Variants in FNDC3B observed in about 807,000 individuals in gnomAD.
FNDC3B encodes fibronectin type III domain containing 3B, also known as fibronectin type III domain-containing protein 3B.
A neutral mutation model predicts 151.5 loss-of-function variants in FNDC3B; 12 were observed. That is an observed-to-expected ratio of 0.08 (90% confidence interval 0.05 to 0.13). The LOEUF (loss-of-function observed/expected upper bound fraction) is 0.13. FNDC3B is among the 10% of genes least tolerant of loss of function. The pLI, the probability that FNDC3B is intolerant of heterozygous loss-of-function variation, is 1.00. For missense variants in FNDC3B, 1,214 were observed against 1,505.3 expected (o/e 0.81, Z 3.20); for synonymous variants, 528 against 549.0 (o/e 0.96, Z 0.54).
chr3:172,312,307 G>C (rs921427799), intron 11 of FNDC3B, among the ~76,000 whole-genome samples: 34 of 152,190 alleles, frequency 2.2e-4, no homozygotes, highest in Admixed American at 3.3e-4. Context: ...TGTACATGCA[G>C]GTTGGTAAAA....
At chr3:172,200,036 C>CTT (rs1480677197) in intron 3 of FNDC3B, among the ~76,000 whole-genome samples, 3 of 77,384 alleles carry the variant, frequency 3.9e-5, no homozygotes, top group Admixed American at 1.2e-4. Context: ...CATTCATTCT[C>CTT]TAACCCATTA....
At chr3:172,246,238 G>A (rs534538083) in intron 4 of FNDC3B, among the ~76,000 whole-genome samples, 3 of 151,018 alleles carry the variant, frequency 2.0e-5, no homozygotes, top group East Asian at 3.9e-4. Flanking sequence ...GTGCCCGATC[G>A]TGCATTTGAT....
At chr3:172,070,271 T>A (rs1451099046) in intron 1 of FNDC3B, among the ~76,000 whole-genome samples, 1 of 151,264 alleles carries the variant, frequency 6.6e-6, no homozygotes. Context: ...GTTCTGGTGC[T>A]AAACTGAGAT....
chr3:172,396,350 A>G (rs1043472651), intron 25 of FNDC3B, among the ~76,000 whole-genome samples: 1 of 152,154 alleles, frequency 6.6e-6, no homozygotes, highest in African/African-American at 2.4e-5. Context: ...GAGGTGGGAT[A>G]TCTTGAGGGG....
chr3:172,173,478 A>G (rs1271150054), intron 3 of FNDC3B, among the ~76,000 whole-genome samples: 1 of 151,970 alleles, frequency 6.6e-6, no homozygotes, highest in East Asian at 1.9e-4. Flanking sequence ...GAGTTACTGT[A>G]TGACTCACGT....
chr3:172,105,307 C>T (rs943251017), intron 1 of FNDC3B, among the ~76,000 whole-genome samples: 8 of 151,926 alleles, frequency 5.3e-5, no homozygotes, highest in African/African-American at 9.7e-5. Flanking sequence ...TAACTGCAGT[C>T]AAGGCACAAA....
intron 3 of FNDC3B, among the ~76,000 whole-genome samples, chr3:172,212,727 TTAAG>T (rs1725793555): frequency 6.6e-6 from 1 of 152,212 alleles, no homozygotes; most frequent in African/African-American, 2.4e-5. Context: ...TCATGAACAA[TTAAG>T]TAACTTGCCC....
intron 3 of FNDC3B, among the ~76,000 whole-genome samples, chr3:172,136,009 T>G (rs1244330181): frequency 6.6e-6 from 1 of 152,226 alleles, no homozygotes; most frequent in Admixed American, 6.5e-5. Flanking sequence ...CTATGCATTC[T>G]TTCCTTTAGT....
intron 3 of FNDC3B, among the ~76,000 whole-genome samples, chr3:172,183,367 A>AT (rs1184197413): frequency 1.3e-5 from 2 of 152,134 alleles, no homozygotes; most frequent in East Asian, 3.8e-4. Flanking sequence ...AAAAACTCTG[A>AT]TTTTATACCT....
At chr3:172,086,374 C>T (rs559342853) in intron 1 of FNDC3B, among the ~76,000 whole-genome samples, 51 of 133,316 alleles carry the variant, frequency 3.8e-4, no homozygotes, top group African/African-American at 1.2e-3. Context: ...AAAAAAAAAG[C>T]TCTGCTTCCC....
In FNDC3B at chr3:172,109,457, G is replaced by T. The variant is rs533562445; in HGVS notation, c.-28-2995G>T. Among the ~76,000 whole-genome samples, 79 of 151,840 alleles carry T rather than the reference G, an allele frequency of 5.2e-4. No individual in the cohort carries two copies. The East Asian group carries it at 0.015, about 29-fold the overall frequency. ...CTGGGATTACAGGCGTGAGCCCCGC[G>T]CCCGGCCGAAGGCCTTGGATTCTAG... On this transcript the variant is annotated intron_variant, in intron 1 of 25. Coordinates refer to ENST00000415807, the MANE Select transcript of FNDC3B (RefSeq NM_022763.4).
intron 3 of FNDC3B, among the ~76,000 whole-genome samples, chr3:172,150,514 A>C (rs1722165949): frequency 6.6e-6 from 1 of 151,752 alleles, no homozygotes; most frequent in Non-Finnish European, 1.5e-5. Context: ...TCTATGGGGC[A>C]TTACACATAG....
At chr3:172,332,649 T>G (rs1732738166) in intron 13 of FNDC3B, among the ~76,000 whole-genome samples, 1 of 152,202 alleles carries the variant, frequency 6.6e-6, no homozygotes, top group South Asian at 2.1e-4. Context: ...TTTGCCCTCC[T>G]AAAGGATTGT....
chr3:172,137,781 T>TC (rs1295254349), intron 3 of FNDC3B, among the ~76,000 whole-genome samples: 1 of 152,206 alleles, frequency 6.6e-6, no homozygotes, highest in Non-Finnish European at 1.5e-5. Flanking sequence ...GAAACATGAA[T>TC]CATAGGTCTT....
In FNDC3B at chr3:172,352,667, A is replaced by C; in HGVS notation, c.2515-136A>C. On this transcript the variant is annotated intron_variant, in intron 21 of 25. Transcript: ENST00000415807. This position sits in a 1 kb window ranked among gnomAD's most constrained non-coding sequence, Gnocchi z 4.2. ...GGAAGGTGGTCATCAGATAGTAGAC[A>C]TTTTCTAGGATTTATTTCTACCTGC... The C allele has an allele frequency of 1.1e-6, 1 of 940,580 alleles. No homozygotes were observed. The highest frequency in any genetic ancestry group is 1.5e-6 in the Non-Finnish European group (1 of 647,026). 58.3% of individuals were successfully genotyped at this position (940,580 alleles called of 1,614,324 possible).
rs182495715 is a variant in FNDC3B, at chr3:172,385,916, G to A, written c.3303+4823G>A. On this transcript the variant is annotated intron_variant, in intron 25 of 25. Transcript: ENST00000415807. Reference sequence around the variant, plus strand: ...GACAAGTGCCATGGCCTTTTCTGATGTTTTGTTTGAAGCATCAACTCTAAC... The same window carrying A: ...GACAAGTGCCATGGCCTTTTCTGATATTTTGTTTGAAGCATCAACTCTAAC... Among the ~76,000 whole-genome samples the A allele has an allele frequency of 2.0e-5, 3 of 152,226 alleles. No individual in the cohort carries two copies. The East Asian group carries it at 5.8e-4, about 29-fold the overall frequency.
chr3:172,369,943 G>T (rs942277387), intron 23 of FNDC3B, among the ~76,000 whole-genome samples: 1 of 151,600 alleles, frequency 6.6e-6, no homozygotes, highest in African/African-American at 2.4e-5. Flanking sequence ...CACAATCCAT[G>T]GAGCCCAGGG....
intron 6 of FNDC3B, among the ~76,000 whole-genome samples, chr3:172,275,121 A>G (rs1414879833): frequency 1.3e-5 from 2 of 152,068 alleles, no homozygotes; most frequent in African/African-American, 4.8e-5. Context: ...ACTGTTGTCT[A>G]GGGTTTATAC....
At chr3:172,221,841 C>G (rs1024158994) in intron 3 of FNDC3B, among the ~76,000 whole-genome samples, 3 of 152,152 alleles carry the variant, frequency 2.0e-5, no homozygotes, top group African/African-American at 7.2e-5. Flanking sequence ...CAGTCTTAGA[C>G]CCATTGCAAA....
Sources: allele counts gnomAD v4.1 joint callset (sites outside exome capture counted in the v4.1 genomes callset), GRCh38; gene constraint gnomAD v4.1.1; non-coding constraint Gnocchi (gnomAD v3.1); transcripts MANE v1.5; gene names NCBI Gene and HGNC (gene_info 2026-07-23, HGNC 2026-07-21).